The following MYO19 variants were observed in gnomAD, a reference collection of about 807,000 sequenced individuals.
MYO19 encodes unconventional myosin-XIX.
A neutral mutation model predicts 129.2 loss-of-function variants in MYO19; 132 were observed. The ratio of observed to expected loss-of-function variants is 1.02; its 90% CI spans 0.89 to 1.18. The LOEUF is 1.18. Among genes scored for constraint, MYO19 ranks in the 50% most tolerant of loss-of-function variants. The pLI is 0.00. For synonymous variants in MYO19, 531 were observed against 477.2 expected (o/e 1.11, Z -1.47); for missense variants, 1,210 against 1,216.7 (o/e 0.99, Z 0.08).
In MYO19 at chr17:36,496,278, G is replaced by A. The variant is rs963765216; in HGVS notation, c.2886C>T (p.Thr962=). 4 of 1,614,028 alleles carry A rather than the reference G, an allele frequency of 2.5e-6. No homozygotes were observed. Among genetic ancestry groups the A allele is most frequent in the Non-Finnish European group, 3.4e-6 (4 of 1,179,890 alleles). The change falls in exon 26 of 26, where the codon ACC becomes ACT. Residue 962 remains threonine, a synonymous_variant. Coordinates refer to ENST00000614623, the MANE Select transcript of MYO19 (RefSeq NM_001163735.2). ...ACCCCAGCCCAGTGAAGGCAGAAGAGGTCACGTGGATCAGCCTGTGTCTTT... is the reference window on the plus strand; with the variant it reads ...ACCCCAGCCCAGTGAAGGCAGAAGAAGTCACGTGGATCAGCCTGTGTCTTT... The part of the protein sequence containing the change: ...LLERHRLIHV[T]SSAFTGLG
upstream of MYO19, among the ~76,000 whole-genome samples, chr17:36,539,477 AAAG>A (rs1280517745): frequency 6.6e-6 from 1 of 152,156 alleles, no homozygotes; most frequent in East Asian, 1.9e-4. Context: ...TAAATGCACC[AAAG>A]AATAGATGGA....
chr17:36,509,105 G>A lies in MYO19; in HGVS notation c.1188C>T (p.Asn396=), dbSNP rs2072131539. The A allele has an allele frequency of 6.2e-7, 1 of 1,613,748 alleles. No homozygotes were observed. The highest frequency in any genetic ancestry group is 1.7e-5 in the Admixed American group (1 of 59,994). Residue 396 remains asparagine (N), a synonymous_variant, in exon 14 of 26, where the codon AAC becomes AAT. Transcript: ENST00000614623. ...AGTCGGTGTCTGCACAGATGCTGCT[G>A]TTGATCACTGATACCAGCCAGTCAA... is the stretch of plus-strand genomic sequence containing the variant. ...RLFDWLVSVI[N]SSICADTDSW... is the part of the protein sequence containing the mutation.
At chr17:36,518,527 AATATAT>A (rs1555581707) in intron 6 of MYO19, among the ~76,000 whole-genome samples, 15 of 41,470 alleles carry the variant, frequency 3.6e-4, no homozygotes, top group African/African-American at 1.5e-3. Context: ...AAAAAAAAAA[AATATAT>A]ATATATATAT....
At position 36,496,006 on chromosome 17, in the gene MYO19, CCTGAT is replaced by C; in HGVS notation, c.*240_*244del. The C allele has an allele frequency of 1.3e-6, 1 of 779,854 alleles. No homozygotes were observed. Among genetic ancestry groups the C allele is most frequent in the East Asian group, 2.9e-5 (1 of 34,630 alleles). 48.3% of individuals were successfully genotyped at this position (779,854 alleles called of 1,614,324 possible). A position where few individuals can be genotyped will look rare whatever the true frequency, so the allele number is the denominator to read the frequency against. On this transcript the variant is annotated 3_prime_UTR_variant, in exon 26 of 26. Coordinates refer to ENST00000614623, the MANE Select transcript of MYO19 (RefSeq NM_001163735.2). ...ATCTGTGAAGGTAGTGAAATGTGGC[CCTGAT>C]GTTTCTTAACCCTGATTTGGTAACT...
At chr17:36,524,925 T>C (rs968728870) in intron 6 of MYO19, among the ~76,000 whole-genome samples, 2 of 152,240 alleles carry the variant, frequency 1.3e-5, no homozygotes, top group African/African-American at 2.4e-5. Flanking sequence ...CTGACTTTTG[T>C]TTCCAGTAGT....
chr17:36,544,448 T>A (rs2074224782), upstream of MYO19, among the ~76,000 whole-genome samples: 1 of 152,096 alleles, frequency 6.6e-6, no homozygotes, highest in Non-Finnish European at 1.5e-5. Context: ...CCGATGCTCG[T>A]CTCCCTTTTC....
At chr17:36,530,495 C>T (rs907582260) in intron 3 of MYO19, among the ~76,000 whole-genome samples, 50 of 130,560 alleles carry the variant, frequency 3.8e-4, no homozygotes, top group Admixed American at 7.4e-4. Context: ...TTCGCTCTGT[C>T]GCCCAGGCTG....
intron 15 of MYO19, 26 bp from the exon 16 acceptor site, chr17:36,507,538 G>A: frequency 1.2e-6 from 2 of 1,605,786 alleles, no homozygotes; most frequent in Non-Finnish European, 1.7e-6. Flanking sequence ...GGATGAGGTG[G>A]GAGAAGGCAG....
chr17:36,501,569 C>G (rs2071534423), intron 21 of MYO19: 1 of 224,910 alleles, frequency 4.4e-6, no homozygotes, highest in Admixed American at 5.4e-5. Context: ...GCTTGGAATC[C>G]CAGGCTGCTC....
upstream of MYO19, among the ~76,000 whole-genome samples, chr17:36,536,214 A>C (rs551644291): frequency 2.0e-5 from 3 of 152,298 alleles, no homozygotes; most frequent in African/African-American, 7.2e-5. Flanking sequence ...CTAACCTGAA[A>C]ACATAGCTGT....
chr17:36,514,553 G>GAC lies in MYO19; in HGVS notation c.618-7_618-6dup, dbSNP rs1389885557. On this transcript the variant is annotated splice_region_variant and splice_polypyrimidine_tract_variant and intron_variant, in intron 8 of 25. Transcript: ENST00000614623. ...GCTCCAGTCATTTGCTGAGCCCTGGGACACACACAGGCCAGAGCCCGTTAG... is the reference window on the plus strand; with the variant it reads ...GCTCCAGTCATTTGCTGAGCCCTGGGACACACACACAGGCCAGAGCCCGTTAG... 6.3e-7 allele frequency: 1 copy of GAC among 1,595,492 alleles called. No individual in the cohort carries two copies. Among genetic ancestry groups the GAC allele is most frequent in the Admixed American group, 1.7e-5 (1 of 59,952 alleles).
At chr17:36,497,698 C>A in intron 25 of MYO19, 1 of 256,154 alleles carries the variant, frequency 3.9e-6, no homozygotes. Context: ...AATTCTCATG[C>A]CTCAGCCTCC....
rs1037645287 is a variant in MYO19 at position 36,503,868 on chromosome 17, G to A, written c.1976+82C>T. ...TCTTCATTTCCACATCTCACTCTGG[G>A]TTGGGCAGGCTCTTGCCCAATGAGA... On this transcript the variant is annotated intron_variant, in intron 20 of 25. Transcript: ENST00000614623. 17 of 1,160,326 alleles carry A rather than the reference G, an allele frequency of 1.5e-5. No homozygotes were observed. In the African/African-American group the frequency reaches 2.2e-4, roughly 15 times the overall value. 71.9% of individuals were successfully genotyped at this position (1,160,326 alleles called of 1,614,324 possible). A position where few individuals can be genotyped will look rare whatever the true frequency, so the allele number is the denominator to read the frequency against.
At chr17:36,500,609 T>G in intron 23 of MYO19, 1 of 611,850 alleles carries the variant, frequency 1.6e-6, no homozygotes. Flanking sequence ...CCTCCACTTC[T>G]TACAGAGCAC....
At chr17:36,531,675 C>T (rs2073845989) in intron 3 of MYO19, among the ~76,000 whole-genome samples, 1 of 152,082 alleles carries the variant, frequency 6.6e-6, no homozygotes, top group Admixed American at 6.5e-5. Context: ...TACCTTCAAA[C>T]CTGTTCCAGG....
chr17:36,531,618 A>AT (rs971567297), intron 3 of MYO19, among the ~76,000 whole-genome samples: 1 of 152,138 alleles, frequency 6.6e-6, no homozygotes, highest in African/African-American at 2.4e-5. Context: ...AAGTTTAAAA[A>AT]TAAGCAAGAA....
chr17:36,512,196 A>AACACACAC (rs57765074), intron 11 of MYO19, among the ~76,000 whole-genome samples: 11,103 of 138,040 alleles, frequency 0.08, 497 homozygotes, highest in Middle Eastern at 0.12. Context: ...ACTAAAAATA[A>AACACACAC]ACACACACAC....
chr17:36,535,253 G>C (rs868215348), upstream of MYO19: 1 of 145,316 alleles, frequency 6.9e-6, no homozygotes, highest in Non-Finnish European at 1.5e-5. Flanking sequence ...CCATTACCCT[G>C]ATAGGGCCTC....
At chr17:36,520,407 T>G (rs1257980838) in intron 6 of MYO19, among the ~76,000 whole-genome samples, 1 of 152,246 alleles carries the variant, frequency 6.6e-6, no homozygotes, top group East Asian at 1.9e-4. Flanking sequence ...TTGGTTAATT[T>G]TGTAAAAATA....
Sources: gnomAD v4.1 joint callset for allele counts (sites outside exome capture counted in the v4.1 genomes callset) on GRCh38, gnomAD v4.1.1 for gene constraint, MANE v1.5 for transcripts, NCBI Gene and HGNC (gene_info 2026-07-23, HGNC 2026-07-21) for gene names.